Variants in NUP210 observed in about 807,000 individuals in gnomAD.
NUP210 encodes the protein nuclear pore membrane glycoprotein 210.
NUP210 carries 151 observed loss-of-function variants against 196.0 expected under a neutral mutation model. The observed-to-expected ratio is 0.77, with a 90% CI of 0.67 to 0.88. The LOEUF (loss-of-function observed/expected upper bound fraction) is 0.88. NUP210 is among the 40% of genes least tolerant of loss of function. The pLI is 0.00. For synonymous variants in NUP210, 1,070 were observed against 1,052.7 expected (o/e 1.02, Z -0.32); for missense variants, 2,314 against 2,493.7 (o/e 0.93, Z 1.53).
chr3:13,324,170 A>G (rs903964983), intron 33 of NUP210, among the ~76,000 whole-genome samples: 5 of 151,966 alleles, frequency 3.3e-5, no homozygotes, highest in African/African-American at 4.8e-5. Flanking sequence ...ATCCACCTCC[A>G]GGGACTGACA....
In NUP210 at chr3:13,347,263, C is replaced by T. The variant is rs745754981; in HGVS notation, c.2836-3960G>A. ...AGTGCTTAACACAGCACCTGGCACACGATAAGCACTCCAGCGTCTCTGAGT... is the reference window on the plus strand; with the variant it reads ...AGTGCTTAACACAGCACCTGGCACATGATAAGCACTCCAGCGTCTCTGAGT... On this transcript the variant is annotated intron_variant, in intron 20 of 39. Coordinates refer to ENST00000254508, the MANE Select transcript of NUP210 (RefSeq NM_024923.4). This position sits in a 1 kb window ranked among gnomAD's most constrained non-coding sequence, Gnocchi z 4.7. 90 of 985,098 alleles carry T rather than the reference C, an allele frequency of 9.1e-5. No homozygotes were observed. The highest frequency in any genetic ancestry group is 6.1e-5 in the Admixed American group (1 of 16,268). The allele number at this position is 985,098 out of a possible 1,614,324, so 61.0% of individuals were successfully genotyped here.
chr3:13,320,114 G>A (rs897448771), intron 36 of NUP210, 135 bp from the exon 37 acceptor site: 3 of 799,472 alleles, frequency 3.8e-6, no homozygotes, highest in Non-Finnish European at 6.0e-6. Flanking sequence ...AGCCTGACAT[G>A]CTGGGCTTCC....
At chr3:13,371,372 G>C (rs1698724897) in intron 13 of NUP210, among the ~76,000 whole-genome samples, 1 of 152,202 alleles carries the variant, frequency 6.6e-6, no homozygotes, top group African/African-American at 2.4e-5. Context: ...GTCCTGTCCT[G>C]ACAGGACTGA....
At chr3:13,357,151 T>G (rs1032444905) in intron 16 of NUP210, among the ~76,000 whole-genome samples, 1 of 152,052 alleles carries the variant, frequency 6.6e-6, no homozygotes, top group Non-Finnish European at 1.5e-5. Context: ...AAGACAGGAG[T>G]GGCGCATGCA....
chr3:13,324,985 G>C (rs1381161320), intron 33 of NUP210, among the ~76,000 whole-genome samples: 1 of 152,212 alleles, frequency 6.6e-6, no homozygotes, highest in African/African-American at 2.4e-5. Context: ...CTCAGTCATA[G>C]CCTCGCAGTG....
chr3:13,362,728 C>A (rs897951777), intron 14 of NUP210, among the ~76,000 whole-genome samples: 1 of 152,126 alleles, frequency 6.6e-6, no homozygotes, highest in Non-Finnish European at 1.5e-5. Context: ...AACCCATCCC[C>A]GGACTCGACC....
At chr3:13,328,530 T>C (rs1028835905) in intron 31 of NUP210, among the ~76,000 whole-genome samples, 1 of 152,250 alleles carries the variant, frequency 6.6e-6, no homozygotes, top group Non-Finnish European at 1.5e-5. Context: ...AGCTGCCCCA[T>C]GCCCTGTTTC....
chr3:13,346,018 G>A (rs1047149286), intron 20 of NUP210, among the ~76,000 whole-genome samples: 21 of 152,198 alleles, frequency 1.4e-4, no homozygotes, highest in African/African-American at 3.9e-4. Context: ...GCAATGCAGG[G>A]AAGGGCTTTT....
Position 13,337,227 on chromosome 3 carries a change from C to T in NUP210, c.3553-309G>A, listed in dbSNP as rs115939887. Among the ~76,000 whole-genome samples the T allele has an allele frequency of 1.7e-3, 252 of 152,298 alleles. 1 individual carries two copies. The highest frequency in any genetic ancestry group is 5.7e-3 in the African/African-American group (238 of 41,562). On this transcript the variant is annotated intron_variant, in intron 26 of 39. Transcript: ENST00000254508. ...CCCCAGCAGCACAGCTCGTGCTGCCCCACAGTGCTGGTTCCTCCGGGCCCC... is the reference window on the plus strand; with the variant it reads ...CCCCAGCAGCACAGCTCGTGCTGCCTCACAGTGCTGGTTCCTCCGGGCCCC...
intron 14 of NUP210, among the ~76,000 whole-genome samples, chr3:13,361,118 T>G (rs567861477): frequency 4.6e-5 from 7 of 152,212 alleles, no homozygotes; most frequent in African/African-American, 1.7e-4. Flanking sequence ...GCCTGTGGTG[T>G]CCTTGCTGGC....
intron 1 of NUP210, among the ~76,000 whole-genome samples, chr3:13,404,626 GGC>G (rs1464336973): frequency 5.3e-5 from 8 of 152,368 alleles, no homozygotes; most frequent in African/African-American, 1.7e-4. Flanking sequence ...ACAGAGGCCA[GGC>G]TAGGACACAG....
chr3:13,367,075 G>A (rs1303188320), intron 13 of NUP210, among the ~76,000 whole-genome samples: 3 of 151,890 alleles, frequency 2.0e-5, no homozygotes, highest in Non-Finnish European at 4.4e-5. Context: ...GCAGTGAGCC[G>A]AAATCGCACC....
At chr3:13,375,040 G>A (rs1698850258) in intron 11 of NUP210, among the ~76,000 whole-genome samples, 1 of 151,806 alleles carries the variant, frequency 6.6e-6, no homozygotes, top group Admixed American at 6.5e-5. Context: ...TTTCTCTAAG[G>A]GTGTGTGTAT....
intron 25 of NUP210, 150 bp from the exon 26 acceptor site, chr3:13,338,067 G>A (rs1697299941): frequency 8.3e-6 from 6 of 720,456 alleles, no homozygotes; most frequent in African/African-American, 7.2e-5. Context: ...CTCTGCCGAG[G>A]GAGGCCTGGC....
At chr3:13,343,143 C>G (rs776424051) in intron 21 of NUP210, 32 bp downstream of exon 21, 1 of 1,612,366 alleles carries the variant, frequency 6.2e-7, no homozygotes, top group Non-Finnish European at 8.5e-7. Flanking sequence ...GCAGGTCAGC[C>G]GAGGGTGCCC....
intron 11 of NUP210, among the ~76,000 whole-genome samples, chr3:13,374,618 C>T (rs1698840056): frequency 1.3e-5 from 2 of 152,202 alleles, no homozygotes; most frequent in Non-Finnish European, 2.9e-5. Flanking sequence ...CCTGGTGGCA[C>T]CTCCCAGAGC....
intron 20 of NUP210, chr3:13,344,979 C>T: frequency 1.0e-6 from 1 of 985,446 alleles, no homozygotes; most frequent in East Asian, 1.1e-4. Context: ...GCTGGTCCTG[C>T]CGGGTGCCAT....
chr3:13,403,436 C>A (rs193043952), intron 1 of NUP210, among the ~76,000 whole-genome samples: 343 of 152,320 alleles, frequency 2.3e-3, no homozygotes, highest in Non-Finnish European at 2.9e-3. Context: ...ACCCTCATGA[C>A]CCCATCACCT....
Position 13,391,211 on chromosome 3 carries a change from C to T in NUP210, c.533G>A (p.Arg178Gln), listed in dbSNP as rs140229295. 3.9e-5 allele frequency: 63 copies of T among 1,609,398 alleles called. No homozygotes were observed. Among genetic ancestry groups the T allele is most frequent in the East Asian group, 8.9e-5 (4 of 44,694 alleles). ...DRFSDSHNAL[R>Q]ILTFLESTYI... ...CAGGCCTAGCAGAGGCACCCCTTAC[C>T]GCAGCGCATTGTGGGAGTCTGAGAA... is the stretch of plus-strand genomic sequence containing the variant. The change falls in exon 4 of 40, where the codon CGA becomes CAA. Residue 178 changes from arginine (R) to glutamine (Q), a missense_variant and splice_region_variant. Coordinates refer to ENST00000254508, the MANE Select transcript of NUP210 (RefSeq NM_024923.4).
Sources: allele counts gnomAD v4.1 joint callset (sites outside exome capture counted in the v4.1 genomes callset), GRCh38; gene constraint gnomAD v4.1.1; non-coding constraint Gnocchi (gnomAD v3.1); transcripts MANE v1.5; gene names NCBI Gene and HGNC (gene_info 2026-07-23, HGNC 2026-07-21).